Variants in LUZP2 observed in about 807,000 individuals in gnomAD.
The protein encoded by LUZP2 is leucine zipper protein 2.
A neutral mutation model predicts 51.6 loss-of-function variants in LUZP2; 52 were observed. The ratio of observed to expected loss-of-function variants is 1.01; its 90% CI spans 0.81 to 1.27. The LOEUF is 1.27. LUZP2 is among the 50% of genes most tolerant of loss of function. LUZP2 has a pLI of 0.00. For synonymous variants in LUZP2, 154 were observed against 137.3 expected, an observed-to-expected ratio of 1.12 and a Z score of -0.85; for missense variants, 436 against 395.4, an observed-to-expected ratio of 1.10 and a Z score of -0.87.
intron 1 of LUZP2, among the ~76,000 whole-genome samples, chr11:24,617,309 A>AT (rs1259125622): frequency 6.6e-6 from 1 of 151,590 alleles, no homozygotes; most frequent in Non-Finnish European, 1.5e-5. Context: ...AAAAAATCCA[A>AT]TTTTGCCTTA....
At chr11:24,609,049 C>T (rs1161595540) in intron 1 of LUZP2, among the ~76,000 whole-genome samples, 3 of 152,074 alleles carry the variant, frequency 2.0e-5, no homozygotes, top group African/African-American at 7.2e-5. Context: ...ATAACATCAT[C>T]TAGGAGGGCT....
At chr11:24,792,634 C>G (rs1849439570) in intron 5 of LUZP2, among the ~76,000 whole-genome samples, 1 of 151,958 alleles carries the variant, frequency 6.6e-6, no homozygotes, top group African/African-American at 2.4e-5. Flanking sequence ...CTAATTTTAG[C>G]CAAGTAGTAA....
chr11:24,821,550 C>T (rs1850358171), intron 5 of LUZP2, among the ~76,000 whole-genome samples: 1 of 152,044 alleles, frequency 6.6e-6, no homozygotes, highest in Non-Finnish European at 1.5e-5. Flanking sequence ...GACCCTAGAT[C>T]TTGCCTCATG....
At chr11:24,559,843 A>G (rs16912817) in intron 1 of LUZP2, among the ~76,000 whole-genome samples, 3,384 of 152,280 alleles carry the variant, frequency 0.022, 113 homozygotes, top group African/African-American at 0.061. Flanking sequence ...GTAATTCACT[A>G]CATAATGCTT....
intron 1 of LUZP2, among the ~76,000 whole-genome samples, chr11:24,676,365 C>T (rs942531848): frequency 1.3e-5 from 2 of 152,130 alleles, no homozygotes; most frequent in Non-Finnish European, 2.9e-5. Context: ...TGAAGATACT[C>T]TCCTTCAGCA....
At chr11:24,913,064 TTTA>T (rs1024894175) in intron 6 of LUZP2, among the ~76,000 whole-genome samples, 7 of 152,156 alleles carry the variant, frequency 4.6e-5, no homozygotes, top group African/African-American at 1.7e-4. Flanking sequence ...AAAATTTAAT[TTTA>T]TTGAGATTTA....
intron 9 of LUZP2, among the ~76,000 whole-genome samples, chr11:24,999,102 T>A (rs1445581349): frequency 6.6e-6 from 1 of 152,166 alleles, no homozygotes; most frequent in Non-Finnish European, 1.5e-5. Flanking sequence ...TTTAATGATG[T>A]TCAAAATTTC....
In LUZP2 at chr11:24,601,944, ATG is replaced by A. The variant is rs1490440277; in HGVS notation, c.62+104641_62+104642del. ...TGTATATATATGTATATATGTATAT[ATG>A]TATAAATGTATATATGTATATATGT... On this transcript the variant is annotated intron_variant, in intron 1 of 11. Transcript: ENST00000336930. Among the ~76,000 whole-genome samples the A allele has an allele frequency of 1.3e-3, 176 of 134,554 alleles. 1 individual carries two copies. Among genetic ancestry groups the A allele is most frequent in the African/African-American group, 4.7e-3 (171 of 36,602 alleles). 88.3% of individuals were successfully genotyped at this position (134,554 alleles called of 152,430 possible).
At chr11:25,018,130 T>C (rs879498789) in intron 9 of LUZP2, among the ~76,000 whole-genome samples, 25 of 151,540 alleles carry the variant, frequency 1.6e-4, no homozygotes, top group Admixed American at 7.9e-4. Flanking sequence ...TGTTGGTATA[T>C]GGCATTGCTA....
intron 5 of LUZP2, among the ~76,000 whole-genome samples, chr11:24,795,154 A>G (rs560455027): frequency 6.6e-6 from 1 of 152,306 alleles, no homozygotes; most frequent in South Asian, 2.1e-4. Flanking sequence ...CATATGGACA[A>G]TATACATGGT....
At chr11:24,995,936 A>G (rs770211396) in intron 9 of LUZP2, among the ~76,000 whole-genome samples, 1 of 151,624 alleles carries the variant, frequency 6.6e-6, no homozygotes, top group South Asian at 2.1e-4. Flanking sequence ...TTTTTTCTAC[A>G]TTACTTATTA....
intron 7 of LUZP2, among the ~76,000 whole-genome samples, chr11:24,943,049 C>T (rs1854798332): frequency 1.3e-5 from 2 of 152,160 alleles, no homozygotes; most frequent in Non-Finnish European, 2.9e-5. Context: ...TCTTATGCCA[C>T]TTATTTCATG....
chr11:24,691,260 C>T (rs1174901047), intron 1 of LUZP2, among the ~76,000 whole-genome samples: 2 of 151,912 alleles, frequency 1.3e-5, no homozygotes, highest in East Asian at 3.9e-4. Flanking sequence ...ACCTACAATG[C>T]AGAGAAATTA....
chr11:24,975,361 G>T (rs1855856578), intron 7 of LUZP2, among the ~76,000 whole-genome samples: 1 of 152,016 alleles, frequency 6.6e-6, no homozygotes, highest in African/African-American at 2.4e-5. Context: ...GCTCTCAGCA[G>T]ATACCACAAT....
At chr11:24,576,447 AACT>A (rs986013281) in intron 1 of LUZP2, among the ~76,000 whole-genome samples, 7 of 151,090 alleles carry the variant, frequency 4.6e-5, no homozygotes, top group Non-Finnish European at 8.9e-5. Flanking sequence ...AAAAAATACT[AACT>A]TATCAAGCCA....
At chr11:25,068,211 T>C (rs1197333680) in intron 10 of LUZP2, among the ~76,000 whole-genome samples, 1 of 151,966 alleles carries the variant, frequency 6.6e-6, no homozygotes, top group Non-Finnish European at 1.5e-5. Context: ...AAATACTTAA[T>C]GTAGATGACG....
chr11:25,011,650 ATATT>A (rs1363533527), intron 9 of LUZP2, among the ~76,000 whole-genome samples: 2 of 152,276 alleles, frequency 1.3e-5, no homozygotes, highest in African/African-American at 2.4e-5. Context: ...TACAATGACT[ATATT>A]TAAGTAATTG....
chr11:24,584,129 A>G (rs1170797326), intron 1 of LUZP2, among the ~76,000 whole-genome samples: 1 of 152,222 alleles, frequency 6.6e-6, no homozygotes, highest in African/African-American at 2.4e-5. Context: ...AAGATGAGTT[A>G]GTGAAAAAAC....
intron 2 of LUZP2, among the ~76,000 whole-genome samples, chr11:24,731,003 CT>C (rs1858692701): frequency 6.6e-6 from 1 of 151,462 alleles, no homozygotes; most frequent in Non-Finnish European, 1.5e-5. Flanking sequence ...CATTTTAATT[CT>C]TCTTTTTGCT....
Sources: allele counts gnomAD v4.1 joint callset (sites outside exome capture counted in the v4.1 genomes callset), GRCh38; gene constraint gnomAD v4.1.1; transcripts MANE v1.5; gene names NCBI Gene and HGNC (gene_info 2026-07-23, HGNC 2026-07-21).